Variants in BMPR2 observed in about 807,000 individuals in gnomAD.
BMPR2 encodes bone morphogenetic protein receptor type-2.
A neutral mutation model predicts 100.8 loss-of-function variants in BMPR2; 29 were observed. The ratio of observed to expected loss-of-function variants is 0.29; its 90% CI spans 0.21 to 0.39. The LOEUF (loss-of-function observed/expected upper bound fraction) is 0.39, where lower values mean the gene tolerates loss of function less well. Ranked by LOEUF, BMPR2 falls within the 10% of genes least tolerant of loss-of-function variation. The pLI is 1.00. For synonymous variants in BMPR2, 382 were observed against 442.3 expected, an observed-to-expected ratio of 0.86 and a Z score of 1.71; for missense variants, 1,011 against 1,274.5, an observed-to-expected ratio of 0.79 and a Z score of 3.15.
At chr2:202,441,368 A>T (rs1691736096) in intron 1 of BMPR2, among the ~76,000 whole-genome samples, 1 of 150,382 alleles carries the variant, frequency 6.6e-6, no homozygotes, top group Non-Finnish European at 1.5e-5. Flanking sequence ...CTTTTTTGAA[A>T]TTCTAAACAC....
intron 9 of BMPR2, among the ~76,000 whole-genome samples, chr2:202,539,211 A>G (rs1688225476): frequency 6.6e-6 from 1 of 152,184 alleles, no homozygotes; most frequent in African/African-American, 2.4e-5. Flanking sequence ...AAAAAATAAA[A>G]ATAAAAAACC....
chr2:202,384,527 T>C (rs2105897609), intron 1 of BMPR2, among the ~76,000 whole-genome samples: 1 of 124,844 alleles, frequency 8.0e-6, no homozygotes, highest in African/African-American at 3.2e-5. Flanking sequence ...TCTTTCTTTC[T>C]TTCTCTTTCT....
In BMPR2 at chr2:202,428,832, C is replaced by CA. The variant is rs1388350473; in HGVS notation, c.77-35976dup. Among the ~76,000 whole-genome samples the CA allele has an allele frequency of 2.0e-5, 3 of 152,134 alleles. No homozygotes were observed. The East Asian group carries it at 5.8e-4, about 29-fold the overall frequency. On this transcript the variant is annotated intron_variant, in intron 1 of 12. Transcript: ENST00000374580. The stretch of plus-strand genomic sequence containing the variant: ...ATATCTCTTGATATCTTGGCATTTT[C>CA]AGGTTCATCACAAATTCTCCATCTT...
At chr2:202,544,677 T>C (rs1256797738) in intron 10 of BMPR2, among the ~76,000 whole-genome samples, 1 of 152,020 alleles carries the variant, frequency 6.6e-6, no homozygotes, top group Non-Finnish European at 1.5e-5. Flanking sequence ...TTTACACACA[T>C]TTTGCTTGGC....
chr2:202,517,359 T>A (rs970045628), intron 5 of BMPR2, among the ~76,000 whole-genome samples: 4 of 149,566 alleles, frequency 2.7e-5, no homozygotes, highest in African/African-American at 9.8e-5. Flanking sequence ...TTTTACTCTG[T>A]CATCCAGGCT....
chr2:202,476,791 T>A (rs1286421380), intron 3 of BMPR2, among the ~76,000 whole-genome samples: 1 of 151,810 alleles, frequency 6.6e-6, no homozygotes, highest in Non-Finnish European at 1.5e-5. Flanking sequence ...TCAAAAAAAA[T>A]AAATAAAATA....
At chr2:202,471,948 GTAA>G (rs1692447403) in intron 3 of BMPR2, among the ~76,000 whole-genome samples, 1 of 151,166 alleles carries the variant, frequency 6.6e-6, no homozygotes, top group Non-Finnish European at 1.5e-5. Context: ...GTAGAAAGAG[GTAA>G]TAAAAGCAAA....
intron 1 of BMPR2, among the ~76,000 whole-genome samples, chr2:202,393,883 GA>G (rs1690603431): frequency 1.0e-4 from 1 of 9,580 alleles, no homozygotes; most frequent in Non-Finnish European, 2.2e-4. Context: ...ATGAGAGAGC[GA>G]GAGAGAGAGA....
chr2:202,507,447 T>G (rs1264519174), intron 3 of BMPR2, among the ~76,000 whole-genome samples: 1 of 152,166 alleles, frequency 6.6e-6, no homozygotes, highest in Non-Finnish European at 1.5e-5. Flanking sequence ...TGGAGTGTGG[T>G]AACACAATTA....
chr2:202,509,029 T>C (rs1687578085), intron 3 of BMPR2, among the ~76,000 whole-genome samples: 1 of 152,208 alleles, frequency 6.6e-6, no homozygotes, highest in African/African-American at 2.4e-5. Context: ...GAAAAAGTTT[T>C]AGGAATACCT....
chr2:202,535,534 A>G (rs375653176), intron 9 of BMPR2, among the ~76,000 whole-genome samples: 6 of 146,542 alleles, frequency 4.1e-5, no homozygotes, highest in East Asian at 2.1e-4. Context: ...GATGGCGGCC[A>G]GGAAGAGGTG....
At chr2:202,465,823 A>C (rs1449636797) in intron 2 of BMPR2, among the ~76,000 whole-genome samples, 2 of 152,200 alleles carry the variant, frequency 1.3e-5, no homozygotes, top group Admixed American at 6.5e-5. Flanking sequence ...ACTGCACTCC[A>C]GCCTGGGCGA....
At chr2:202,499,400 A>G (rs1559056781) in intron 3 of BMPR2, among the ~76,000 whole-genome samples, 2 of 152,222 alleles carry the variant, frequency 1.3e-5, no homozygotes, top group Admixed American at 6.5e-5. Context: ...CAAATTCCCT[A>G]CTGGTCAGCA....
intron 7 of BMPR2, among the ~76,000 whole-genome samples, chr2:202,523,864 TA>T (rs962797043): frequency 6.6e-5 from 10 of 152,108 alleles, no homozygotes; most frequent in African/African-American, 2.4e-4. Flanking sequence ...TACACAGCCA[TA>T]AAAATGAATG....
At chr2:202,523,727 G>T (rs1005330646) in intron 7 of BMPR2, among the ~76,000 whole-genome samples, 29 of 151,742 alleles carry the variant, frequency 1.9e-4, no homozygotes, top group African/African-American at 7.0e-4. Flanking sequence ...TCTCTTGAAC[G>T]TGGGAGGCAG....
chr2:202,546,776 G>T lies in BMPR2; in HGVS notation c.1413+4329G>T, dbSNP rs558070910. Among the ~76,000 whole-genome samples the T allele has an allele frequency of 5.9e-5, 9 of 152,154 alleles. No individual in the cohort carries two copies. In the South Asian group the frequency reaches 1.9e-3, roughly 32 times the overall value. On this transcript the variant is annotated intron_variant, in intron 10 of 12. Coordinates refer to ENST00000374580, the MANE Select transcript of BMPR2 (RefSeq NM_001204.7). Reference sequence around the variant, plus strand: ...GTGCCACCATGCCTGACTAGTTTTTGTGTTTTTCGTAGAGATGGGGTTTCA... The same window carrying T: ...GTGCCACCATGCCTGACTAGTTTTTTTGTTTTTCGTAGAGATGGGGTTTCA...
intron 1 of BMPR2, among the ~76,000 whole-genome samples, chr2:202,406,389 C>A (rs1559028416): frequency 6.6e-6 from 1 of 152,092 alleles, no homozygotes; most frequent in Non-Finnish European, 1.5e-5. Context: ...TTTTGAGAAC[C>A]CTGGCTAGTC....
chr2:202,558,382 C>T (rs573523789), intron 12 of BMPR2, among the ~76,000 whole-genome samples: 1 of 152,118 alleles, frequency 6.6e-6, no homozygotes, highest in Admixed American at 6.5e-5. Flanking sequence ...ACAGTGCTGG[C>T]ATTACAGGCG....
At chr2:202,521,655 T>C (rs1687820964) in intron 7 of BMPR2, among the ~76,000 whole-genome samples, 1 of 151,982 alleles carries the variant, frequency 6.6e-6, no homozygotes, top group South Asian at 2.1e-4. Flanking sequence ...TCCTACCTTG[T>C]CATATACTGT....
Sources: gnomAD v4.1 joint callset for allele counts (sites outside exome capture counted in the v4.1 genomes callset) on GRCh38, gnomAD v4.1.1 for gene constraint, MANE v1.5 for transcripts, NCBI Gene and HGNC (gene_info 2026-07-23, HGNC 2026-07-21) for gene names.